HIRA: variants seen among roughly 807,000 people sequenced by gnomAD.
The protein encoded by HIRA is histone cell cycle regulator.
In HIRA, 13 loss-of-function variants were observed where a neutral mutation model predicts 126.6. The ratio of observed to expected loss-of-function variants is 0.10; its 90% CI spans 0.07 to 0.16. HIRA has a LOEUF of 0.16. HIRA is among the 10% of genes least tolerant of loss of function. The pLI, the probability that HIRA is intolerant of heterozygous loss-of-function variation, is 1.00. For missense variants in HIRA, 834 were observed against 1,314.4 expected, an observed-to-expected ratio of 0.63 and a Z score of 5.65; for synonymous variants, 511 against 520.0, an observed-to-expected ratio of 0.98 and a Z score of 0.24.
At chr22:19,348,743 C>T (rs1333105330) in intron 24 of HIRA, among the ~76,000 whole-genome samples, 1 of 152,074 alleles carries the variant, frequency 6.6e-6, no homozygotes, top group Non-Finnish European at 1.5e-5. Flanking sequence ...GATCCGACCC[C>T]CTTGGCCTCC....
intron 5 of HIRA, among the ~76,000 whole-genome samples, chr22:19,403,118 A>G (rs1483736075): frequency 6.6e-6 from 1 of 151,212 alleles, no homozygotes; most frequent in Non-Finnish European, 1.5e-5. Flanking sequence ...AAAAAAAAAA[A>G]GAAAAAGAAA....
chr22:19,406,985 G>C (rs1357600835), intron 4 of HIRA, among the ~76,000 whole-genome samples, 199 bp downstream of exon 4: 1 of 152,184 alleles, frequency 6.6e-6, no homozygotes, highest in Non-Finnish European at 1.5e-5. Flanking sequence ...AGAGCCTGCA[G>C]TCCTGTGAGG....
intron 9 of HIRA, among the ~76,000 whole-genome samples, chr22:19,389,003 G>A (rs2089152608): frequency 6.6e-6 from 1 of 152,038 alleles, no homozygotes; most frequent in Non-Finnish European, 1.5e-5. Flanking sequence ...AGGGACTCTG[G>A]TACACATTTA....
intron 1 of HIRA, among the ~76,000 whole-genome samples, chr22:19,423,640 C>T (rs1421654864): frequency 1.3e-5 from 2 of 152,166 alleles, no homozygotes; most frequent in Non-Finnish European, 2.9e-5. Flanking sequence ...TATCCCTGGA[C>T]CTCAAATAAG....
At chr22:19,366,648 T>TA (rs1304790507) in intron 15 of HIRA, among the ~76,000 whole-genome samples, 2 of 152,206 alleles carry the variant, frequency 1.3e-5, no homozygotes, top group Non-Finnish European at 2.9e-5. Context: ...TGCAATCTCA[T>TA]AAAAAACTTG....
chr22:19,383,439 G>T (rs953827965), intron 13 of HIRA, among the ~76,000 whole-genome samples, 181 bp downstream of exon 13: 1 of 152,212 alleles, frequency 6.6e-6, no homozygotes, highest in Non-Finnish European at 1.5e-5. Context: ...TGTGCACAAG[G>T]GCTCCAGGAG....
At chr22:19,345,294 T>C (rs1056129597) in intron 24 of HIRA, among the ~76,000 whole-genome samples, 2 of 152,260 alleles carry the variant, frequency 1.3e-5, no homozygotes, top group Admixed American at 6.5e-5. Flanking sequence ...CCTGTGGTAC[T>C]AGGAAGAAGC....
chr22:19,410,870 G>A, intron 1 of HIRA, 92 bp from the exon 2 acceptor site: 1 of 995,796 alleles, frequency 1.0e-6, no homozygotes, highest in Non-Finnish European at 1.6e-6. Flanking sequence ...AGTCTAAACT[G>A]CTAGAAGATT....
intron 15 of HIRA, among the ~76,000 whole-genome samples, chr22:19,372,231 T>C (rs1264560216): frequency 3.3e-5 from 5 of 152,230 alleles, no homozygotes; most frequent in East Asian, 1.9e-4. Flanking sequence ...CACAGGTTTA[T>C]AGGACCAACA....
At chr22:19,371,785 T>C (rs747959963) in intron 15 of HIRA, among the ~76,000 whole-genome samples, 3 of 152,238 alleles carry the variant, frequency 2.0e-5, no homozygotes, top group African/African-American at 7.2e-5. Context: ...TTATCGTTAT[T>C]GTAGCACATG....
At chr22:19,379,761 T>C (rs1440953647) in intron 13 of HIRA, among the ~76,000 whole-genome samples, 2 of 151,680 alleles carry the variant, frequency 1.3e-5, no homozygotes, top group East Asian at 1.9e-4. Context: ...ATTAAAAAAA[T>C]TCCTTATATG....
At chr22:19,342,555 T>G (rs1225467242) in intron 24 of HIRA, among the ~76,000 whole-genome samples, 1 of 152,096 alleles carries the variant, frequency 6.6e-6, no homozygotes, top group Non-Finnish European at 1.5e-5. Flanking sequence ...GTTGGCTAAT[T>G]TTTTGTATTT....
intron 1 of HIRA, among the ~76,000 whole-genome samples, chr22:19,425,739 T>G (rs1569315978): frequency 6.6e-6 from 1 of 152,150 alleles, no homozygotes; most frequent in Admixed American, 6.6e-5. Flanking sequence ...ATACCAGCAC[T>G]TTGGGAGGCC....
chr22:19,334,671 C>T (rs1556005502), intron 24 of HIRA, among the ~76,000 whole-genome samples: 2 of 151,890 alleles, frequency 1.3e-5, no homozygotes, highest in South Asian at 2.1e-4. Flanking sequence ...ATCCACCTGC[C>T]TTGGCCTCCC....
chr22:19,355,716 C>CA (rs781800028), intron 21 of HIRA, 44 bp downstream of exon 21: 1 of 1,410,194 alleles, frequency 7.1e-7, no homozygotes, highest in Non-Finnish European at 1.0e-6. Context: ...CTAGAGCAGA[C>CA]AGACACTCTT....
At chr22:19,371,555 C>A (rs574774170) in intron 15 of HIRA, among the ~76,000 whole-genome samples, 2 of 152,022 alleles carry the variant, frequency 1.3e-5, no homozygotes, top group Non-Finnish European at 2.9e-5. Context: ...GTTAAGCAAC[C>A]ATCATCACTA....
At chr22:19,408,292 T>C (rs1024395508) in intron 3 of HIRA, among the ~76,000 whole-genome samples, 191 bp downstream of exon 3, 2 of 152,164 alleles carry the variant, frequency 1.3e-5, no homozygotes, top group African/African-American at 2.4e-5. Context: ...TGTCCAAAGA[T>C]GGTTCTGTGG....
intron 9 of HIRA, among the ~76,000 whole-genome samples, chr22:19,391,283 A>C (rs968828189): frequency 2.6e-5 from 4 of 152,198 alleles, no homozygotes; most frequent in African/African-American, 9.7e-5. Context: ...TATGAAGTTC[A>C]AGAGCAGGCA....
intron 24 of HIRA, among the ~76,000 whole-genome samples, chr22:19,334,711 G>A (rs1181395767): frequency 3.9e-5 from 6 of 151,928 alleles, no homozygotes; most frequent in African/African-American, 7.2e-5. Flanking sequence ...ATGAACCAAC[G>A]CACCCGGCAG....
Sources: gnomAD v4.1 joint callset for allele counts (sites outside exome capture counted in the v4.1 genomes callset) on GRCh38, gnomAD v4.1.1 for gene constraint, MANE v1.5 for transcripts, NCBI Gene and HGNC (gene_info 2026-07-23, HGNC 2026-07-21) for gene names.